The following TMEM117 variants were observed in gnomAD, a reference collection of about 807,000 sequenced individuals.
The protein encoded by TMEM117 is transmembrane protein 117.
A neutral mutation model predicts 52.4 loss-of-function variants in TMEM117; 27 were observed. The ratio of observed to expected loss-of-function variants is 0.51; its 90% CI spans 0.38 to 0.71. TMEM117 has a LOEUF of 0.71. TMEM117 is among the 30% of genes least tolerant of loss of function. TMEM117 has a pLI of 0.00. For synonymous variants in TMEM117, 215 were observed against 206.3 expected (o/e 1.04, Z -0.36); for missense variants, 556 against 630.5 (o/e 0.88, Z 1.26).
At chr12:43,873,236 T>G (rs994739635) in intron 2 of TMEM117, among the ~76,000 whole-genome samples, 1 of 152,174 alleles carries the variant, frequency 6.6e-6, no homozygotes, top group Non-Finnish European at 1.5e-5. Context: ...AGTTTAAATA[T>G]GAAAGTCTCA....
intron 4 of TMEM117, among the ~76,000 whole-genome samples, chr12:44,163,115 G>C (rs953498670): frequency 6.6e-6 from 1 of 152,202 alleles, no homozygotes; most frequent in Non-Finnish European, 1.5e-5. Context: ...TTGCTGCAAA[G>C]CTTGCACATT....
At chr12:43,953,250 C>A (rs1394887693) in intron 3 of TMEM117, among the ~76,000 whole-genome samples, 1 of 151,968 alleles carries the variant, frequency 6.6e-6, no homozygotes, top group Non-Finnish European at 1.5e-5. Flanking sequence ...AGTAAGTCTG[C>A]AAAATTAACC....
At chr12:43,800,376 G>C in the TMEM117 span, 1 of 1,261,142 alleles carries the variant, frequency 7.9e-7, no homozygotes, top group Non-Finnish European at 1.1e-6. Flanking sequence ...CCATTACCTA[G>C]GAGTTCCTCT....
intron 4 of TMEM117, among the ~76,000 whole-genome samples, chr12:44,165,146 C>CT (rs1948948950): frequency 6.6e-6 from 1 of 152,236 alleles, no homozygotes; most frequent in East Asian, 1.9e-4. Context: ...ATGAGATCAA[C>CT]TTTTTTAGCT....
chr12:44,117,560 C>T (rs1478126490), intron 3 of TMEM117, among the ~76,000 whole-genome samples: 2 of 152,076 alleles, frequency 1.3e-5, no homozygotes, highest in Non-Finnish European at 2.9e-5. Flanking sequence ...TGCATTGGCT[C>T]ATGGTGAGCA....
intron 3 of TMEM117, among the ~76,000 whole-genome samples, chr12:44,058,073 G>A (rs907226767): frequency 2.6e-5 from 4 of 152,080 alleles, no homozygotes; most frequent in Non-Finnish European, 5.9e-5. Context: ...TTTGAGAGCA[G>A]CTGTGCTTCA....
At chr12:44,335,566 AAC>A (rs972316410) in intron 6 of TMEM117, among the ~76,000 whole-genome samples, 6 of 152,012 alleles carry the variant, frequency 3.9e-5, no homozygotes, top group Admixed American at 2.0e-4. Context: ...TTATCAGAAA[AAC>A]ATCCTGAATT....
intron 3 of TMEM117, among the ~76,000 whole-genome samples, chr12:43,987,069 T>G (rs1187547046): frequency 1.3e-5 from 2 of 152,146 alleles, no homozygotes; most frequent in Non-Finnish European, 2.9e-5. Context: ...TACAGGGTCT[T>G]TAAAGAGATG....
chr12:43,849,501 A>G lies in TMEM117; in HGVS notation c.277+4573A>G, dbSNP rs775056277. Among the ~76,000 whole-genome samples, 78 of 152,312 alleles carry G rather than the reference A, an allele frequency of 5.1e-4. No homozygotes were observed. In the Middle Eastern group the frequency reaches 0.027, roughly 53 times the overall value. On this transcript the variant is annotated intron_variant, in intron 2 of 7. Coordinates refer to ENST00000266534, the MANE Select transcript of TMEM117 (RefSeq NM_032256.3). ...CTTTTATCTCTTATACTAAAATCAC[A>G]TTTCAGTTATGGCTTAGATTTTAAT...
intron 5 of TMEM117, among the ~76,000 whole-genome samples, chr12:44,249,232 G>A (rs1950168672): frequency 6.6e-6 from 1 of 152,082 alleles, no homozygotes. Flanking sequence ...TCAAATGTAT[G>A]TGGTATACAA....
chr12:44,168,505 G>A (rs929721338), intron 4 of TMEM117, among the ~76,000 whole-genome samples: 6 of 152,066 alleles, frequency 3.9e-5, no homozygotes, highest in African/African-American at 9.6e-5. Context: ...TGGCTGTATC[G>A]TAACTCTGTG....
intron 4 of TMEM117, among the ~76,000 whole-genome samples, chr12:44,144,954 G>A (rs1438306934): frequency 6.6e-6 from 1 of 152,068 alleles, no homozygotes; most frequent in African/African-American, 2.4e-5. Context: ...TCAGGAGATC[G>A]AGACCATCCT....
At chr12:44,026,642 A>C (rs938239646) in intron 3 of TMEM117, among the ~76,000 whole-genome samples, 4 of 152,170 alleles carry the variant, frequency 2.6e-5, no homozygotes, top group East Asian at 1.9e-4. Context: ...GGACTGGAAC[A>C]CTTTTATTTT....
chr12:44,357,583 C>A (rs1951667887), intron 6 of TMEM117, among the ~76,000 whole-genome samples: 1 of 152,092 alleles, frequency 6.6e-6, no homozygotes, highest in Admixed American at 6.6e-5. Flanking sequence ...TTCCATGTTA[C>A]TAATCATCAG....
In TMEM117 at chr12:44,202,457, C is replaced by T. The variant is rs1027264048; in HGVS notation, c.511-8833C>T. ...TAAATGGATCGTATTTATTGATTAG[C>T]ATATAATGAACCAAACTTGCATCCT... On this transcript the variant is annotated intron_variant, in intron 4 of 7. Transcript: ENST00000266534. 5.3e-5 allele frequency among the ~76,000 whole-genome samples: 8 copies of T among 152,208 alleles called. No individual in the cohort carries two copies. The East Asian group carries it at 1.5e-3, about 29-fold the overall frequency.
At chr12:44,216,908 G>A (rs1380480368) in intron 5 of TMEM117, among the ~76,000 whole-genome samples, 2 of 152,110 alleles carry the variant, frequency 1.3e-5, no homozygotes, top group Non-Finnish European at 2.9e-5. Flanking sequence ...CCAGTGTAAT[G>A]GTGTGGATGG....
Position 44,376,692 on chromosome 12 carries a change from T to C in TMEM117, c.866T>C (p.Ile289Thr), listed in dbSNP as rs779613736. The change falls in exon 7 of 8, where the codon ATC becomes ACC. Residue 289 changes from isoleucine to threonine, a missense_variant. Coordinates refer to ENST00000266534, the MANE Select transcript of TMEM117 (RefSeq NM_032256.3). The stretch of plus-strand genomic sequence containing the variant: ...TTCAAGATTCCTTTCTTCCAGAAAA[T>C]CTTCAAGGAGGAATATCGTATTCAC... ...MQFKIPFFQK[I>T]FKEEYRIHIT... 3.7e-6 allele frequency: 6 copies of C among 1,611,184 alleles called. 1 individual carries two copies. The East Asian group carries it at 8.9e-5, about 24-fold the overall frequency.
chr12:44,333,796 T>C (rs1440406361), intron 6 of TMEM117, among the ~76,000 whole-genome samples: 1 of 151,722 alleles, frequency 6.6e-6, no homozygotes, highest in Admixed American at 6.6e-5. Context: ...TATGGAGAAG[T>C]AAAGAGAGAT....
intron 5 of TMEM117, among the ~76,000 whole-genome samples, chr12:44,231,657 A>G (rs1436825997): frequency 6.6e-6 from 1 of 151,652 alleles, no homozygotes; most frequent in African/African-American, 2.4e-5. Flanking sequence ...ATTTTAGCCA[A>G]TCCGGTGGTT....
Sources: allele counts gnomAD v4.1 joint callset (sites outside exome capture counted in the v4.1 genomes callset), GRCh38; gene constraint gnomAD v4.1.1; transcripts MANE v1.5; gene names NCBI Gene and HGNC (gene_info 2026-07-23, HGNC 2026-07-21).